PPP2R3A: variants seen among roughly 807,000 people sequenced by gnomAD.
PPP2R3A encodes protein phosphatase 2 regulatory subunit B''alpha, also known as serine/threonine-protein phosphatase 2A regulatory subunit B'' subunit alpha.
PPP2R3A carries 80 observed loss-of-function variants against 106.9 expected under a neutral mutation model. The observed-to-expected ratio is 0.75, with a 90% confidence interval of 0.62 to 0.90. The LOEUF is 0.90. Ranked by LOEUF, PPP2R3A falls within the 40% of genes least tolerant of loss-of-function variation. The pLI is 0.00. For missense variants in PPP2R3A, 1,386 were observed against 1,350.4 expected, an observed-to-expected ratio of 1.03 and a Z score of -0.41; for synonymous variants, 483 against 468.3, an observed-to-expected ratio of 1.03 and a Z score of -0.41.
At chr3:136,027,614 C>A (rs970947528) in intron 3 of PPP2R3A, among the ~76,000 whole-genome samples, 4 of 152,146 alleles carry the variant, frequency 2.6e-5, no homozygotes, top group African/African-American at 9.7e-5. Flanking sequence ...CAGGACTACT[C>A]TGACTTGATT....
intron 1 of PPP2R3A, among the ~76,000 whole-genome samples, chr3:135,982,961 A>T (rs151336317): frequency 4.7e-4 from 72 of 152,306 alleles, no homozygotes; most frequent in African/African-American, 1.7e-3. Flanking sequence ...TGTCTTACAG[A>T]CAGATGAGTA....
At chr3:136,103,452 C>G (rs1486511391) in intron 12 of PPP2R3A, 76 bp downstream of exon 12, 4 of 1,005,164 alleles carry the variant, frequency 4.0e-6, no homozygotes, top group Non-Finnish European at 5.9e-6. Context: ...AACATGGTCT[C>G]TGCATGCTGG....
At chr3:136,098,077 G>A (rs923810091) in intron 10 of PPP2R3A, among the ~76,000 whole-genome samples, 1 of 152,170 alleles carries the variant, frequency 6.6e-6, no homozygotes, top group Non-Finnish European at 1.5e-5. Flanking sequence ...CATCAAGTTG[G>A]TACAATTTTT....
At chr3:136,131,562 G>A (rs2108017809) in intron 13 of PPP2R3A, among the ~76,000 whole-genome samples, 1 of 152,304 alleles carries the variant, frequency 6.6e-6, no homozygotes, top group South Asian at 2.1e-4. Context: ...TACACTGTTG[G>A]TGGGAGTGTA....
At chr3:136,014,024 A>G (rs758262960) in intron 2 of PPP2R3A, among the ~76,000 whole-genome samples, 1 of 152,098 alleles carries the variant, frequency 6.6e-6, no homozygotes, top group Non-Finnish European at 1.5e-5. Flanking sequence ...GTGTAAGATG[A>G]GAAATGAGGA....
chr3:136,043,704 A>G (rs1390433577), intron 4 of PPP2R3A, among the ~76,000 whole-genome samples: 1 of 152,248 alleles, frequency 6.6e-6, no homozygotes, highest in Non-Finnish European at 1.5e-5. Context: ...CTCATCTCAA[A>G]TGGAATCAAT....
chr3:136,139,564 G>A (rs1471973892), intron 13 of PPP2R3A, among the ~76,000 whole-genome samples: 1 of 151,764 alleles, frequency 6.6e-6, no homozygotes, highest in Non-Finnish European at 1.5e-5. Context: ...ATGGTGTTAT[G>A]TGCCTGTAAT....
intron 13 of PPP2R3A, among the ~76,000 whole-genome samples, chr3:136,139,460 C>T (rs939644341): frequency 6.6e-6 from 1 of 152,000 alleles, no homozygotes; most frequent in African/African-American, 2.4e-5. Flanking sequence ...CTTTGGGAGG[C>T]CGAGGGGGGG....
chr3:136,124,974 C>G (rs1195337296), intron 13 of PPP2R3A, among the ~76,000 whole-genome samples: 1 of 152,046 alleles, frequency 6.6e-6, no homozygotes, highest in Non-Finnish European at 1.5e-5. Flanking sequence ...CAGAATAGGC[C>G]TATATCAAAT....
intron 2 of PPP2R3A, among the ~76,000 whole-genome samples, chr3:136,013,568 G>A (rs760260883): frequency 2.6e-5 from 4 of 151,844 alleles, no homozygotes; most frequent in Admixed American, 6.6e-5. Flanking sequence ...AGGTGGTATC[G>A]CATTGTGGTT....
chr3:136,133,331 A>G (rs567286070), intron 13 of PPP2R3A, among the ~76,000 whole-genome samples: 2 of 152,308 alleles, frequency 1.3e-5, no homozygotes, highest in South Asian at 4.1e-4. Flanking sequence ...TTTAAATAGA[A>G]CATGTGAATA....
chr3:136,118,074 A>G (rs1208832631), intron 13 of PPP2R3A, among the ~76,000 whole-genome samples: 4 of 152,198 alleles, frequency 2.6e-5, no homozygotes, highest in African/African-American at 7.2e-5. Context: ...GGTTCAACAT[A>G]TGCAAAACAG....
chr3:136,055,234 T>C (rs919951657), intron 5 of PPP2R3A: 5 of 796,742 alleles, frequency 6.3e-6, no homozygotes, highest in Non-Finnish European at 1.1e-5. Flanking sequence ...ACATACTTTC[T>C]ATCAAGCTGC....
intron 10 of PPP2R3A, among the ~76,000 whole-genome samples, chr3:136,098,882 T>C (rs987382061): frequency 6.6e-6 from 1 of 152,186 alleles, no homozygotes; most frequent in Non-Finnish European, 1.5e-5. Context: ...AAATGAACAG[T>C]TGATCTTCAG....
At position 136,049,373 on chromosome 3, in the gene PPP2R3A, C is replaced by T; in HGVS notation, c.2469+12C>T. ...TCCCTCTACTTCAGGTAATTTTCAT[C>T]TCCTTTTGAAAATGGGTTCTAATTT... On this transcript the variant is annotated intron_variant, in intron 5 of 13. Coordinates refer to ENST00000264977, the MANE Select transcript of PPP2R3A (RefSeq NM_002718.5). 1 of 1,576,460 alleles carries T rather than the reference C, an allele frequency of 6.3e-7. No individual in the cohort carries two copies. The highest frequency in any genetic ancestry group is 1.2e-5 in the South Asian group (1 of 86,586).
At position 136,001,389 on chromosome 3, in the gene PPP2R3A, C is replaced by G; in HGVS notation, c.-110C>G. The G allele has an allele frequency of 1.0e-6, 1 of 956,926 alleles. No homozygotes were observed. The highest frequency in any genetic ancestry group is 1.6e-5 in the South Asian group (1 of 60,912). The allele number at this position is 956,926 out of a possible 1,614,324, so 59.3% of individuals were successfully genotyped here. On this transcript the variant is annotated 5_prime_UTR_variant, in exon 2 of 14. Coordinates refer to ENST00000264977, the MANE Select transcript of PPP2R3A (RefSeq NM_002718.5). ...GAAAAGCCATTATATTTGGAAGAAA[C>G]CACTGAACATTGTTATTAAATATAT...
intron 5 of PPP2R3A, among the ~76,000 whole-genome samples, chr3:136,062,335 C>G (rs1331371771): frequency 1.3e-5 from 2 of 152,096 alleles, no homozygotes; most frequent in East Asian, 3.9e-4. Context: ...GCAGCCAGTT[C>G]AGAAGAGAGA....
At chr3:136,120,618 GA>G (rs1937959262) in intron 13 of PPP2R3A, among the ~76,000 whole-genome samples, 1 of 151,982 alleles carries the variant, frequency 6.6e-6, no homozygotes, top group African/African-American at 2.4e-5. Flanking sequence ...CACAATAGAA[GA>G]AATTATTAAC....
At chr3:136,074,518 A>G (rs1041395452) in intron 6 of PPP2R3A, among the ~76,000 whole-genome samples, 4 of 152,254 alleles carry the variant, frequency 2.6e-5, no homozygotes, top group Non-Finnish European at 5.9e-5. Flanking sequence ...CTGTGCAAAA[A>G]TTGCCAGTGA....
Sources: allele counts gnomAD v4.1 joint callset (sites outside exome capture counted in the v4.1 genomes callset), GRCh38; gene constraint gnomAD v4.1.1; transcripts MANE v1.5; gene names NCBI Gene and HGNC (gene_info 2026-07-23, HGNC 2026-07-21).